LEKR1: variants seen among roughly 807,000 people sequenced by gnomAD.
LEKR1 encodes the protein leucine, glutamate and lysine rich 1, also known as protein LEKR1.
LEKR1 carries 59 observed loss-of-function variants against 72.4 expected under a neutral mutation model. That is an observed-to-expected ratio of 0.82 (90% CI 0.66 to 1.01). The LOEUF is 1.01. Ranked by LOEUF, LEKR1 falls within the 50% of genes least tolerant of loss-of-function variation. LEKR1 has a pLI of 0.00. For synonymous variants in LEKR1, 257 were observed against 263.2 expected (o/e 0.98, Z 0.23); for missense variants, 728 against 759.2 (o/e 0.96, Z 0.48).
At chr3:156,850,007 C>T (rs1715150162) in intron 2 of LEKR1, among the ~76,000 whole-genome samples, 4 of 152,088 alleles carry the variant, frequency 2.6e-5, no homozygotes, top group East Asian at 1.9e-4. Flanking sequence ...GCAACCTACT[C>T]ATCTGACAAA....
At chr3:156,880,192 T>G (rs1719120500) in intron 3 of LEKR1, among the ~76,000 whole-genome samples, 1 of 152,204 alleles carries the variant, frequency 6.6e-6, no homozygotes, top group Non-Finnish European at 1.5e-5. Context: ...GGCTGTCCCC[T>G]GCAAAGCCAC....
intron 6 of LEKR1, among the ~76,000 whole-genome samples, chr3:156,973,177 C>T (rs1035935841): frequency 6.6e-6 from 1 of 152,040 alleles, no homozygotes; most frequent in Non-Finnish European, 1.5e-5. Context: ...AAGTTTTATT[C>T]ATTCTTTCAG....
chr3:156,963,264 C>G (rs934839241), intron 6 of LEKR1, among the ~76,000 whole-genome samples: 34 of 152,186 alleles, frequency 2.2e-4, no homozygotes, highest in African/African-American at 7.5e-4. Context: ...AAGCATGATT[C>G]ATCCTCAGGG....
chr3:156,990,357 T>G (rs1731054389), intron 7 of LEKR1, among the ~76,000 whole-genome samples: 2 of 152,168 alleles, frequency 1.3e-5, no homozygotes, highest in African/African-American at 4.8e-5. Context: ...GTTGCTCAAT[T>G]TTTCTGCATA....
At chr3:156,914,871 A>G (rs935060049) in intron 3 of LEKR1, among the ~76,000 whole-genome samples, 4 of 152,256 alleles carry the variant, frequency 2.6e-5, no homozygotes, top group Admixed American at 2.6e-4. Flanking sequence ...TTTGTTGTAC[A>G]GATTACTTCG....
chr3:156,904,799 A>G (rs1722379852), intron 3 of LEKR1, among the ~76,000 whole-genome samples: 2 of 151,742 alleles, frequency 1.3e-5, no homozygotes, highest in Non-Finnish European at 2.9e-5. Flanking sequence ...TGCCCAACCT[A>G]TGTATGTGTG....
chr3:156,902,000 T>C (rs1310441365), intron 3 of LEKR1, among the ~76,000 whole-genome samples: 7 of 152,184 alleles, frequency 4.6e-5, no homozygotes, highest in African/African-American at 1.7e-4. Context: ...TCTTTTCTTA[T>C]AGTTCTCTGC....
Position 157,045,739 on chromosome 3 carries a change from A to C in LEKR1, c.2068A>C (p.Ser690Arg), listed in dbSNP as rs1271494243. ...GGCTGCCATTCTTAGGAGAAGGCGGAGTCAGCAATGATCCAAAATGAGGAG... is the reference window on the plus strand; with the variant it reads ...GGCTGCCATTCTTAGGAGAAGGCGGCGTCAGCAATGATCCAAAATGAGGAG... ...RLAAILRRRR[S>R]QQ is the part of the protein sequence containing the mutation. The change falls in exon 13 of 13, where the codon AGT (serine) becomes CGT (arginine). Residue 690 changes from serine to arginine, a missense_variant. Physicochemically the swap from Ser to Arg is moderately radical, Grantham distance 110 (BLOSUM62 -1). Transcript: ENST00000356539. The C allele has an allele frequency of 1.2e-6, 2 of 1,607,730 alleles. No homozygotes were observed. The highest frequency in any genetic ancestry group is 8.5e-7 in the Non-Finnish European group (1 of 1,179,842).
In LEKR1 at chr3:156,920,568, T is replaced by C; in HGVS notation, c.264-7T>C. On this transcript the variant is annotated splice_region_variant and splice_polypyrimidine_tract_variant and intron_variant, in intron 3 of 12. Coordinates refer to ENST00000356539, the MANE Select transcript of LEKR1 (RefSeq NM_001004316.3). ...AATACTTAAGGAATGTTTGTTTATA[T>C]TTTTAGAATTTACGATGTAGGCATG... is the stretch of plus-strand genomic sequence containing the variant. The C allele has an allele frequency of 6.9e-7, 1 of 1,445,830 alleles. No individual in the cohort carries two copies. Among genetic ancestry groups the C allele is most frequent in the Non-Finnish European group, 9.3e-7 (1 of 1,078,118 alleles). 89.6% of individuals were successfully genotyped at this position (1,445,830 alleles called of 1,614,324 possible).
At chr3:156,846,379 C>A (rs974056619) in intron 2 of LEKR1, among the ~76,000 whole-genome samples, 1 of 151,700 alleles carries the variant, frequency 6.6e-6, no homozygotes, top group Admixed American at 6.6e-5. Context: ...GGGTGGATAT[C>A]CTTGCCATTT....
At chr3:156,871,145 C>T (rs1006807091) in intron 3 of LEKR1, among the ~76,000 whole-genome samples, 2 of 151,888 alleles carry the variant, frequency 1.3e-5, no homozygotes, top group African/African-American at 4.8e-5. Flanking sequence ...TGTGATGTTC[C>T]CCTTCTTGTG....
intron 3 of LEKR1, among the ~76,000 whole-genome samples, chr3:156,908,280 C>T (rs1341444680): frequency 6.6e-6 from 1 of 152,002 alleles, no homozygotes. Flanking sequence ...TTCTTCTCAA[C>T]CTTTTACCTG....
intron 3 of LEKR1, among the ~76,000 whole-genome samples, chr3:156,867,121 A>C (rs892562197): frequency 2.0e-5 from 3 of 152,108 alleles, no homozygotes; most frequent in African/African-American, 7.2e-5. Context: ...TAAAAGTCAG[A>C]ATAAAGGATG....
intron 3 of LEKR1, among the ~76,000 whole-genome samples, chr3:156,894,709 A>G (rs1044984420): frequency 2.0e-5 from 3 of 152,194 alleles, no homozygotes; most frequent in Non-Finnish European, 4.4e-5. Context: ...AAACCAATAG[A>G]ACAGGAAAGA....
At chr3:156,977,957 A>G (rs1356530243) in intron 6 of LEKR1, 1 of 154,240 alleles carries the variant, frequency 6.5e-6, no homozygotes, top group Admixed American at 6.5e-5. Context: ...CTGAATTTAT[A>G]TCATCCAAAA....
intron 3 of LEKR1, among the ~76,000 whole-genome samples, chr3:156,897,812 G>A (rs577849093): frequency 4.7e-4 from 72 of 152,278 alleles, no homozygotes; most frequent in African/African-American, 1.6e-3. Flanking sequence ...AATTAGCTGG[G>A]CATGGTGGCA....
intron 5 of LEKR1, among the ~76,000 whole-genome samples, chr3:156,932,837 T>C (rs1174630160): frequency 6.6e-6 from 1 of 151,978 alleles, no homozygotes; most frequent in African/African-American, 2.4e-5. Context: ...GAGACCATCC[T>C]GGCTAACATG....
rs185057758 is a variant in LEKR1, at chr3:156,861,201, T to A, written c.263+8219T>A. Among the ~76,000 whole-genome samples, 3 of 152,274 alleles carry A rather than the reference T, an allele frequency of 2.0e-5. No homozygotes were observed. The East Asian group carries it at 5.8e-4, about 29-fold the overall frequency. Reference sequence around the variant, plus strand: ...AATGTGTATGCTTAATTTCATTCACTGAGAGGAAGAAAAATAGTATCTTGA... The same window carrying A: ...AATGTGTATGCTTAATTTCATTCACAGAGAGGAAGAAAAATAGTATCTTGA... On this transcript the variant is annotated intron_variant, in intron 3 of 12. Coordinates refer to ENST00000356539, the MANE Select transcript of LEKR1 (RefSeq NM_001004316.3).
At chr3:156,898,336 G>A (rs1721409219) in intron 3 of LEKR1, among the ~76,000 whole-genome samples, 1 of 151,894 alleles carries the variant, frequency 6.6e-6, no homozygotes, top group African/African-American at 2.4e-5. Context: ...TGGTTTGTAG[G>A]GCATGACTCC....
Sources: gnomAD v4.1 joint callset for allele counts (sites outside exome capture counted in the v4.1 genomes callset) on GRCh38, gnomAD v4.1.1 for gene constraint, MANE v1.5 for transcripts, NCBI Gene and HGNC (gene_info 2026-07-23, HGNC 2026-07-21) for gene names.